TRIM64C: variants seen among roughly 807,000 people sequenced by gnomAD.
TRIM64C encodes the protein tripartite motif containing 64C.
In TRIM64C, 25 loss-of-function variants were observed where a neutral mutation model predicts 36.1. That is an observed-to-expected ratio of 0.69 (90% CI 0.51 to 0.97). The LOEUF is 0.97. Among genes scored for constraint, TRIM64C ranks in the 50% least tolerant of loss-of-function variants. TRIM64C has a pLI of 0.00. For synonymous variants in TRIM64C, 212 were observed against 185.7 expected (o/e 1.14, Z -1.15); for missense variants, 489 against 536.8 (o/e 0.91, Z 0.88).
At chr11:49,055,221 A>C in intron 5 of TRIM64C, 89 bp downstream of exon 5, 2 of 1,499,066 alleles carry the variant, frequency 1.3e-6, no homozygotes, top group Admixed American at 4.0e-5. Context: ...ACATGTCAAA[A>C]CTAATAAAAC....
rs373756153 is a variant in TRIM64C, at chr11:49,056,887, C to A, written c.738+261G>T. ...TCCCCTGGCCTAGAGTTCTAATGAT[C>A]TTAGATGATCTCTCTTGTGGATAGT... On this transcript the variant is annotated intron_variant, in intron 3 of 5. Transcript: ENST00000617704. Among the ~76,000 whole-genome samples the A allele has an allele frequency of 5.3e-5, 8 of 151,858 alleles. No individual in the cohort carries two copies. The South Asian group carries it at 1.7e-3, about 31-fold the overall frequency.
rs1441785966 is a variant in TRIM64C, at chr11:49,057,269, T to G, written c.617A>C (p.Lys206Thr). Reference sequence around the variant, plus strand: ...GTCTTGTAGTTGTTGGAAAAGCTCTTTTGCTTCTCTTTCCAGTGCCTGCAG... The same window carrying G: ...GTCTTGTAGTTGTTGGAAAAGCTCTGTTGCTTCTCTTTCCAGTGCCTGCAG... The part of the protein sequence containing the change: ...RHLQALEREA[K>T]ELFQQLQDSQ... The change falls in exon 3 of 6, where the codon AAA becomes ACA. Residue 206 changes from lysine to threonine, a missense_variant. By Grantham distance (78) the Lys-to-Thr change is moderately conservative. Transcript: ENST00000617704. 2 of 1,549,756 alleles carry G rather than the reference T, an allele frequency of 1.3e-6. No homozygotes were observed. Among genetic ancestry groups the G allele is most frequent in the Non-Finnish European group, 8.7e-7 (1 of 1,146,964 alleles).
At chr11:49,054,897 T>C (rs910451083) in intron 5 of TRIM64C, among the ~76,000 whole-genome samples, 33 of 152,328 alleles carry the variant, frequency 2.2e-4, no homozygotes, top group African/African-American at 7.2e-4. Flanking sequence ...TCTGATTTTG[T>C]AAATAATAAA....
At position 49,058,956 on chromosome 11, in the gene TRIM64C, G is replaced by A. The variant is rs1854849220; in HGVS notation, c.157C>T (p.Pro53Ser). ...TTCTCTGAGATTTTTCTGCACAAAG[G>A]GCAGCGCATTGGTGCTCTGCCTTCT... ...SEEGRAPMRC[P>S]LCRKISEKPN... The change falls in exon 1 of 6, where the codon CCT becomes TCT. Residue 53 changes from proline (P) to serine (S), a missense_variant. Pro to Ser is a moderately conservative substitution (Grantham distance 74, BLOSUM62 -1). Coordinates refer to ENST00000617704, the MANE Select transcript of TRIM64C (RefSeq NM_001206631.1). The A allele has an allele frequency of 6.4e-7, 1 of 1,551,222 alleles. No individual in the cohort carries two copies. The highest frequency in any genetic ancestry group is 2.0e-5 in the Admixed American group (1 of 50,956).
Position 49,055,416 on chromosome 11 carries a change from A to AAC in TRIM64C, c.762-10_762-9insGT. 6.5e-7 allele frequency: 1 copy of AAC among 1,535,430 alleles called. No homozygotes were observed. Among genetic ancestry groups the AAC allele is most frequent in the Non-Finnish European group, 8.7e-7 (1 of 1,146,658 alleles). On this transcript the variant is annotated splice_polypyrimidine_tract_variant and intron_variant, in intron 4 of 5. Transcript: ENST00000617704. ...TCTGTGCCAAATCAGTTCTGCAAAA[A>AAC]AAAAATGGCCTCAGTTATATTTCCA...
Position 49,057,128 on chromosome 11 carries a change from G to A in TRIM64C, c.738+20C>T. ...CCAGCAAAGGCTTCCTGTCTCTGAG[G>A]ATGGACCCTCCCTCCTCACCTGGAG... is the stretch of plus-strand genomic sequence containing the variant. On this transcript the variant is annotated intron_variant, in intron 3 of 5. Coordinates refer to ENST00000617704, the MANE Select transcript of TRIM64C (RefSeq NM_001206631.1). The A allele has an allele frequency of 6.5e-7, 1 of 1,549,068 alleles. No homozygotes were observed. The highest frequency in any genetic ancestry group is 8.7e-7 in the Non-Finnish European group (1 of 1,146,792).
chr11:49,055,179 A>T, intron 5 of TRIM64C, 131 bp downstream of exon 5: 3 of 1,075,040 alleles, frequency 2.8e-6, no homozygotes, highest in Non-Finnish European at 4.0e-6. Flanking sequence ...GGTAGAGAAG[A>T]TGCACATGTT....
chr11:49,058,317 CT>C, intron 1 of TRIM64C, 145 bp from the exon 2 acceptor site: 1 of 673,360 alleles, frequency 1.5e-6, no homozygotes, highest in Non-Finnish European at 2.4e-6. Flanking sequence ...AAATATGGTT[CT>C]AATAATTTGG....
intron 2 of TRIM64C, chr11:49,057,707 A>T (rs1338303240): frequency 2.1e-6 from 1 of 472,764 alleles, no homozygotes; most frequent in Non-Finnish European, 3.9e-6. Flanking sequence ...ACATTTAGCC[A>T]TGCACCATAT....
Position 49,056,491 on chromosome 11 carries a change from T to A in TRIM64C, c.739-110A>T, listed in dbSNP as rs187039022. Reference sequence around the variant, plus strand: ...AGTGTTTTAATAATGTATATCTTTTTATTCCCCTCTAAGGAATCATTCAAG... The same window carrying A: ...AGTGTTTTAATAATGTATATCTTTTAATTCCCCTCTAAGGAATCATTCAAG... On this transcript the variant is annotated intron_variant, in intron 3 of 5. Coordinates refer to ENST00000617704, the MANE Select transcript of TRIM64C (RefSeq NM_001206631.1). 9.7e-5 allele frequency: 87 copies of A among 901,280 alleles called. No individual in the cohort carries two copies. The Middle Eastern group carries it at 1.8e-3, about 19-fold the overall frequency. 55.8% of individuals were successfully genotyped at this position (901,280 alleles called of 1,614,324 possible). A position where few individuals can be genotyped will look rare whatever the true frequency, so the allele number is the denominator to read the frequency against.
intron 5 of TRIM64C, among the ~76,000 whole-genome samples, 179 bp from the exon 6 acceptor site, chr11:49,054,386 A>C (rs1473805737): frequency 6.6e-6 from 1 of 152,240 alleles, no homozygotes; most frequent in East Asian, 1.9e-4. Flanking sequence ...ATATACAATT[A>C]TGTATTATTT....
At position 49,057,151 on chromosome 11, in the gene TRIM64C, G is replaced by T. The variant is rs1235095946; in HGVS notation, c.735C>A (p.Leu245=). The change falls in exon 3 of 6, where the codon CTC becomes CTA. Residue 245 remains leucine, a synonymous_variant. Transcript: ENST00000617704. ...AGGATGGACCCTCCCTCCTCACCTG[G>T]AGCAGCTCCACGTCAGGCATGTGGT... is the stretch of plus-strand genomic sequence containing the variant. The part of the protein sequence containing the change: ...ETYHMPDVEL[L]QDVGNISART... 6.5e-6 allele frequency: 10 copies of T among 1,549,224 alleles called. No homozygotes were observed. Among genetic ancestry groups the T allele is most frequent in the Non-Finnish European group, 8.7e-6 (10 of 1,146,854 alleles).
rs866218742 is a variant in TRIM64C, at chr11:49,055,477, C to T, written c.762-70G>A. 4 of 1,494,892 alleles carry T rather than the reference C, an allele frequency of 2.7e-6. No homozygotes were observed. In the East Asian group the frequency reaches 9.8e-5, roughly 37 times the overall value. The allele number at this position is 1,494,892 out of a possible 1,614,324, so 92.6% of individuals were successfully genotyped here. On this transcript the variant is annotated intron_variant, in intron 4 of 5. Transcript: ENST00000617704. ...TAATCACACAGTCATATGAAGATATCATATTTTCATATAAGATGTTTCCTC... is the reference window on the plus strand; with the variant it reads ...TAATCACACAGTCATATGAAGATATTATATTTTCATATAAGATGTTTCCTC...
At chr11:49,055,238 G>A (rs61886907) in intron 5 of TRIM64C, 72 bp downstream of exon 5, 73,427 of 1,520,034 alleles carry the variant, frequency 0.048, 2,059 homozygotes, top group Non-Finnish European at 0.056. Flanking sequence ...AAACGTAAAT[G>A]GGAGAAGCCT....
At position 49,053,760 on chromosome 11, in the gene TRIM64C, G is replaced by A. The variant is rs1418404766; in HGVS notation, c.1307C>T (p.Ser436Phe). 3.4e-5 allele frequency: 52 copies of A among 1,546,628 alleles called. No homozygotes were observed. Among genetic ancestry groups the A allele is most frequent in the Non-Finnish European group, 4.3e-5 (49 of 1,143,486 alleles). The change falls in exon 6 of 6, where the codon TCC becomes TTC. Residue 436 changes from serine (S) to phenylalanine (F), a missense_variant. Ser to Phe is a radical substitution (Grantham distance 155). Transcript: ENST00000617704. ...GAAAGGCCTCAGAGGGGAAGAGAAGGAGGAAGGAGGAAAACCATAGATAAG... is the reference window on the plus strand; with the variant it reads ...GAAAGGCCTCAGAGGGGAAGAGAAGAAGGAAGGAGGAAAACCATAGATAAG... The part of the protein sequence containing the change: ...GSLIYGFPPS[S>F]FSSPLRPFFC...
chr11:49,056,486 C>CT, intron 3 of TRIM64C, 105 bp from the exon 4 acceptor site: 1 of 922,714 alleles, frequency 1.1e-6, no homozygotes, highest in South Asian at 1.5e-5. Flanking sequence ...TAATGTATAT[C>CT]TTTTTATTCC....
chr11:49,055,672 C>T (rs1854804607), intron 4 of TRIM64C, among the ~76,000 whole-genome samples: 1 of 152,184 alleles, frequency 6.6e-6, no homozygotes, highest in African/African-American at 2.4e-5. Flanking sequence ...TTGCCTCCCT[C>T]TGCCCATCAC....
At chr11:49,055,987 C>A (rs762486773) in intron 4 of TRIM64C, among the ~76,000 whole-genome samples, 18 of 151,632 alleles carry the variant, frequency 1.2e-4, no homozygotes, top group Non-Finnish European at 2.2e-4. Context: ...CCGCCTCAGC[C>A]CATCCTTAGG....
intron 3 of TRIM64C, 33 bp from the exon 4 acceptor site, chr11:49,056,414 G>C (rs963619624): frequency 4.6e-6 from 7 of 1,517,512 alleles, no homozygotes; most frequent in African/African-American, 1.4e-5. Context: ...TGTTAATTAT[G>C]AGAGATTTTT....
Sources: allele counts gnomAD v4.1 joint callset (sites outside exome capture counted in the v4.1 genomes callset), GRCh38; gene constraint gnomAD v4.1.1; transcripts MANE v1.5; gene names NCBI Gene and HGNC (gene_info 2026-07-23, HGNC 2026-07-21).